The following TNK2 variants were observed in gnomAD, a reference collection of about 807,000 sequenced individuals.
TNK2 encodes the protein activated CDC42 kinase 1.
In TNK2, 83 loss-of-function variants were observed where a neutral mutation model predicts 101.8. That is an observed-to-expected ratio of 0.82 (90% CI 0.68 to 0.98). The LOEUF is 0.98. Ranked by LOEUF, TNK2 falls within the 50% of genes least tolerant of loss-of-function variation. The pLI is 0.00. For missense variants in TNK2, 1,665 were observed against 1,483.2 expected, an observed-to-expected ratio of 1.12 and a Z score of -2.01; for synonymous variants, 804 against 633.0, an observed-to-expected ratio of 1.27 and a Z score of -4.06.
chr3:195,864,535 G>A lies in TNK2; in HGVS notation c.3162-348C>T, dbSNP rs150843767. Among the ~76,000 whole-genome samples the A allele has an allele frequency of 3.6e-4, 54 of 148,162 alleles. No individual in the cohort carries two copies. The East Asian group carries it at 9.1e-3, about 25-fold the overall frequency. ...ATCAGTAAGAACCACCCCAGACAGC[G>A]ACAGACAGGTGACACGGAGTGCCTG... On this transcript the variant is annotated intron_variant, in intron 15 of 15. Coordinates refer to ENST00000672887, the MANE Select transcript of TNK2 (RefSeq NM_001382273.1).
rs766550809 is a variant in TNK2 at position 195,867,260 on chromosome 3, T to C, written c.2942A>G (p.Gln981Arg). The C allele has an allele frequency of 6.2e-7, 1 of 1,611,326 alleles. No homozygotes were observed. Among genetic ancestry groups the C allele is most frequent in the Non-Finnish European group, 8.5e-7 (1 of 1,179,078 alleles). ...TGTGGTCACCCCATGCACCATGGCC[T>C]GCAGCTGGGCACACCCACCCCTGTC... ...GRPADKIQML[Q>R]AMVHGVTTEE... The change falls in exon 14 of 16, where the codon CAG (glutamine) becomes CGG (arginine). Residue 981 changes from glutamine to arginine, a missense_variant. Transcript: ENST00000672887.
Position 195,867,695 on chromosome 3 carries a change from T to G in TNK2, c.2603A>C (p.Lys868Thr), listed in dbSNP as rs139623696. The change falls in exon 13 of 16, where the codon AAG becomes ACG. Residue 868 changes from lysine to threonine, a missense_variant. Coordinates refer to ENST00000672887, the MANE Select transcript of TNK2 (RefSeq NM_001382273.1). ...CAAGTAATAGTGGGTGCTGCTGACC[T>G]TCTTGCCATCCCGGACGATGGGCAG... ...CILPIVRDGKKVSSTHYYLLP... is the reference protein window; with the variant it reads ...CILPIVRDGKTVSSTHYYLLP... 6.2e-7 allele frequency: 1 copy of G among 1,609,034 alleles called. No homozygotes were observed. The highest frequency in any genetic ancestry group is 8.5e-7 in the Non-Finnish European group (1 of 1,179,002).
At chr3:195,902,813 A>C (rs1213325823) in intron 1 of TNK2, among the ~76,000 whole-genome samples, 1 of 150,790 alleles carries the variant, frequency 6.6e-6, no homozygotes, top group South Asian at 2.1e-4. Context: ...GCAGTGGCGC[A>C]ATCTCGGCTC....
In TNK2 at chr3:195,866,894, G is replaced by A; in HGVS notation, c.3156C>T (p.His1052=). 1 of 1,610,550 alleles carries A rather than the reference G, an allele frequency of 6.2e-7. No individual in the cohort carries two copies. Among genetic ancestry groups the A allele is most frequent in the Non-Finnish European group, 8.5e-7 (1 of 1,178,918 alleles). The change falls in exon 15 of 16, where the codon CAC becomes CAT. Residue 1052 remains histidine, a synonymous_variant. Transcript: ENST00000672887. ...CHLLGSWGPA[H]HKR is the part of the protein sequence containing the mutation. ...AGACTGTGGGGCTCACTCACTTGTG[G>A]TGGGCAGGGCCCCAGGAGCCCAGAA...
intron 1 of TNK2, among the ~76,000 whole-genome samples, chr3:195,891,450 C>T (rs1447086066): frequency 1.3e-5 from 2 of 152,218 alleles, no homozygotes; most frequent in East Asian, 3.8e-4. Context: ...TTACTATATG[C>T]GAGGAACAGT....
In TNK2 at chr3:195,872,395, G is replaced by A; in HGVS notation, c.1332C>T (p.Thr444=). The A allele has an allele frequency of 6.2e-7, 1 of 1,613,322 alleles. No homozygotes were observed. Among genetic ancestry groups the A allele is most frequent in the Non-Finnish European group, 8.5e-7 (1 of 1,179,862 alleles). Reference sequence around the variant, plus strand: ...CCTGGGCCGACAGGCCGGCCACGGAGGTCACCACGTTGCGAGGGAAGGGCC... The same window carrying A: ...CCTGGGCCGACAGGCCGGCCACGGAAGTCACCACGTTGCGAGGGAAGGGCC... The part of the protein sequence containing the change: ...CVGPFPRNVV[T]SVAGLSAQDI... The change falls in exon 10 of 16, where the codon ACC becomes ACT. Residue 444 remains threonine, a synonymous_variant. Transcript: ENST00000672887.
At chr3:195,869,689 C>T (rs1337228318) in intron 11 of TNK2, 148 bp from the exon 12 acceptor site, 12 of 815,838 alleles carry the variant, frequency 1.5e-5, no homozygotes, top group East Asian at 8.0e-5. Flanking sequence ...CCCCAGCAAA[C>T]GGGAGGCCGC....
At chr3:195,871,524 G>A (rs1000775606) in intron 10 of TNK2, among the ~76,000 whole-genome samples, 4 of 151,636 alleles carry the variant, frequency 2.6e-5, no homozygotes, top group Non-Finnish European at 5.9e-5. Context: ...GTGTGCAGGG[G>A]TCACAGGGTC....
At chr3:195,865,177 G>A (rs544828678) in intron 15 of TNK2, among the ~76,000 whole-genome samples, 38 of 111,760 alleles carry the variant, frequency 3.4e-4, no homozygotes, top group South Asian at 7.4e-4. Context: ...AGAACCACCC[G>A]AGACAGTGAC....
chr3:195,905,137 G>A (rs1376150588), intron 1 of TNK2, among the ~76,000 whole-genome samples: 1 of 152,176 alleles, frequency 6.6e-6, no homozygotes, highest in Admixed American at 6.5e-5. Context: ...CTGGGATAAA[G>A]ACAGACAAAT....
At position 195,888,547 on chromosome 3, in the gene TNK2, C is replaced by T; in HGVS notation, c.42G>A (p.Leu14=). 2 of 1,612,546 alleles carry T rather than the reference C, an allele frequency of 1.2e-6. No individual in the cohort carries two copies. Among genetic ancestry groups the T allele is most frequent in the East Asian group, 2.2e-5 (1 of 44,890 alleles). The part of the protein sequence containing the change: ...EEGTGWLLEL[L]SEVQLQQYFL... ...AGTACTGTTGCAGCTGCACCTCGGA[C>T]AGCAGCTCCAGCAGCCAGCCTGTGC... Residue 14 remains leucine (L), a synonymous_variant, in exon 2 of 16, where the codon CTG becomes CTA. Coordinates refer to ENST00000672887, the MANE Select transcript of TNK2 (RefSeq NM_001382273.1). The surrounding 1 kb of genome is among the most constrained non-coding windows in gnomAD (Gnocchi z 5.3).
At chr3:195,892,888 A>C in intron 1 of TNK2, 2 of 362,982 alleles carry the variant, frequency 5.5e-6, no homozygotes, top group South Asian at 1.1e-4. Context: ...ACCTTTCTGA[A>C]TCACTGCCAA....
rs199599216 is a variant in TNK2 at position 195,887,853 on chromosome 3, T to C, written c.163+573A>G. The stretch of plus-strand genomic sequence containing the variant: ...GCACACACGTGTGTGTGTGTGTGCG[T>C]GTCTGTGTGCGCAGGCGTGTGAGCG... On this transcript the variant is annotated intron_variant, in intron 2 of 15. Coordinates refer to ENST00000672887, the MANE Select transcript of TNK2 (RefSeq NM_001382273.1). Among the ~76,000 whole-genome samples the C allele has an allele frequency of 1.4e-3, 134 of 98,210 alleles. 2 individuals are homozygous for C. The East Asian group carries it at 0.024, about 18-fold the overall frequency. The allele number at this position is 98,210 out of a possible 152,430, so 64.4% of individuals were successfully genotyped here. A position where few individuals can be genotyped will look rare whatever the true frequency, so the allele number is the denominator to read the frequency against.
At position 195,888,087 on chromosome 3, in the gene TNK2, T is replaced by C. The variant is rs1325931078; in HGVS notation, c.163+339A>G. On this transcript the variant is annotated intron_variant, in intron 2 of 15. Transcript: ENST00000672887. This position sits in a 1 kb window ranked among gnomAD's most constrained non-coding sequence, Gnocchi z 5.3. Reference sequence around the variant, plus strand: ...CGTTCTCCCTACAGATCTCTGCACATGGACCCCCCGGTAGTCAGAATGATG... The same window carrying C: ...CGTTCTCCCTACAGATCTCTGCACACGGACCCCCCGGTAGTCAGAATGATG... Among the ~76,000 whole-genome samples the C allele has an allele frequency of 3.3e-5, 5 of 152,000 alleles. No individual in the cohort carries two copies. The highest frequency in any genetic ancestry group is 7.4e-5 in the Non-Finnish European group (5 of 68,010).
chr3:195,881,587 C>CT lies in TNK2; in HGVS notation c.887+463_887+464insA, dbSNP rs1265450617. On this transcript the variant is annotated intron_variant, in intron 6 of 15. Coordinates refer to ENST00000672887, the MANE Select transcript of TNK2 (RefSeq NM_001382273.1). ...GACACAGCATCTATCCCTGTAACAC[C>CT]CCCCCAGCGATGCCCCTTGAAGAGG... is the stretch of plus-strand genomic sequence containing the variant. Among the ~76,000 whole-genome samples the CT allele has an allele frequency of 3.3e-4, 27 of 81,816 alleles. 1 individual carries two copies. Among genetic ancestry groups the CT allele is most frequent in the African/African-American group, 1.1e-4 (2 of 17,548 alleles). 53.7% of individuals were successfully genotyped at this position (81,816 alleles called of 152,430 possible).
chr3:195,870,451 C>T, intron 10 of TNK2: 2 of 1,327,298 alleles, frequency 1.5e-6, no homozygotes, highest in Non-Finnish European at 2.0e-6. Flanking sequence ...TCCAACTACA[C>T]CCTACAAGGG....
At chr3:195,893,277 G>A (rs955766291) in intron 1 of TNK2, among the ~76,000 whole-genome samples, 1 of 151,758 alleles carries the variant, frequency 6.6e-6, no homozygotes, top group Non-Finnish European at 1.5e-5. Context: ...GGAAATAGGC[G>A]GCCGGCAGCC....
chr3:195,866,059 CT>C (rs956029596), intron 15 of TNK2, among the ~76,000 whole-genome samples: 33 of 152,084 alleles, frequency 2.2e-4, no homozygotes, highest in Non-Finnish European at 4.4e-5. Flanking sequence ...CAGTTCACTT[CT>C]TTTTGACTTG....
Position 195,882,101 on chromosome 3 carries a change from C to G in TNK2, c.837G>C (p.Gln279His). 6.2e-7 allele frequency: 1 copy of G among 1,613,716 alleles called. No individual in the cohort carries two copies. The highest frequency in any genetic ancestry group is 1.7e-5 in the Admixed American group (1 of 60,022). The change falls in exon 6 of 16, where the codon CAG becomes CAC. Residue 279 changes from glutamine to histidine, a missense_variant. By Grantham distance (24) the Gln-to-His change is conservative. Coordinates refer to ENST00000672887, the MANE Select transcript of TNK2 (RefSeq NM_001382273.1). The surrounding 1 kb of genome is among the most constrained non-coding windows in gnomAD (Gnocchi z 4.2). ...GDFGLMRALP[Q>H]NDDHYVMQEH... ...CCTGCATGACGTAATGGTCGTCATT[C>G]TGAGGTAGTGCTCGCATCAGCCCAA...
Sources: allele counts gnomAD v4.1 joint callset (sites outside exome capture counted in the v4.1 genomes callset), GRCh38; gene constraint gnomAD v4.1.1; non-coding constraint Gnocchi (gnomAD v3.1); transcripts MANE v1.5; gene names NCBI Gene and HGNC (gene_info 2026-07-23, HGNC 2026-07-21).